Variants in BSPRY observed in about 807,000 individuals in gnomAD.
BSPRY encodes the protein B-box and SPRY domain containing.
A neutral mutation model predicts 38.0 loss-of-function variants in BSPRY; 33 were observed. The ratio of observed to expected loss-of-function variants is 0.87; its 90% confidence interval spans 0.66 to 1.16. BSPRY has a LOEUF of 1.16. Ranked by LOEUF, BSPRY falls within the 50% of genes most tolerant of loss-of-function variation. The pLI, the probability that BSPRY is intolerant of heterozygous loss-of-function variation, is 0.00. For missense variants in BSPRY, 523 were observed against 533.2 expected (o/e 0.98, Z 0.19); for synonymous variants, 224 against 228.5 (o/e 0.98, Z 0.18).
chr9:113,364,254 C>G (rs577046628), intron 4 of BSPRY, among the ~76,000 whole-genome samples: 2 of 152,280 alleles, frequency 1.3e-5, no homozygotes, highest in Non-Finnish European at 2.9e-5. Context: ...ACTTGTTAGG[C>G]TATCTGGGAC....
At chr9:113,367,656 C>G (rs1049052711) in intron 4 of BSPRY, among the ~76,000 whole-genome samples, 6 of 152,188 alleles carry the variant, frequency 3.9e-5, no homozygotes, top group African/African-American at 1.4e-4. Context: ...CTGAGGGACT[C>G]TGGCAAGTTG....
At chr9:113,352,296 G>A (rs1833985586) in intron 1 of BSPRY, among the ~76,000 whole-genome samples, 2 of 152,188 alleles carry the variant, frequency 1.3e-5, no homozygotes, top group African/African-American at 4.8e-5. Flanking sequence ...TCAGACTTAT[G>A]GTGCTTCTGT....
chr9:113,352,030 C>G (rs948320372), intron 1 of BSPRY, among the ~76,000 whole-genome samples: 1 of 152,108 alleles, frequency 6.6e-6, no homozygotes, highest in African/African-American at 2.4e-5. Context: ...AGGCTGGTCT[C>G]GAACTCCTGA....
At chr9:113,360,483 A>G (rs750899770) in intron 2 of BSPRY, 24 bp from the exon 3 acceptor site, 10 of 1,570,120 alleles carry the variant, frequency 6.4e-6, no homozygotes, top group African/African-American at 1.3e-5. Flanking sequence ...AGACCACCCA[A>G]CTCCTCATTT....
chr9:113,361,940 TGC>T (rs1420749069), intron 3 of BSPRY, among the ~76,000 whole-genome samples: 1 of 152,226 alleles, frequency 6.6e-6, no homozygotes, highest in Non-Finnish European at 1.5e-5. Context: ...TTTCTATGAC[TGC>T]TCGAAACTGT....
intron 3 of BSPRY, among the ~76,000 whole-genome samples, 195 bp from the exon 4 acceptor site, chr9:113,362,174 G>GGTGGGTGTGTGTGTGTGTGTGT: frequency 1.4e-5 from 2 of 141,344 alleles, no homozygotes; most frequent in East Asian, 4.2e-4. Context: ...ATGTGTTATG[G>GGTGGGTGTGTGTGTGTGTGTGT]GTGTGTGTGT....
chr9:113,357,950 T>G (rs1834089856), intron 2 of BSPRY, among the ~76,000 whole-genome samples: 2 of 133,960 alleles, frequency 1.5e-5, no homozygotes, highest in African/African-American at 2.8e-5. Flanking sequence ...ATATCTCTAT[T>G]AAGCTTATTC....
At position 113,369,932 on chromosome 9, in the gene BSPRY, G is replaced by A; in HGVS notation, c.999G>A (p.Glu333=). Residue 333 remains glutamate (E), a synonymous_variant, in exon 6 of 6, where the codon GAG becomes GAA. Transcript: ENST00000374183. ...FSWVFSRYDQ[E]FRFSHNGQHE... ...GGGTCTTCTCTCGCTATGATCAGGA[G>A]TTTCGTTTCTCACACAATGGGCAGC... 6.2e-7 allele frequency: 1 copy of A among 1,614,222 alleles called. No homozygotes were observed. Among genetic ancestry groups the A allele is most frequent in the South Asian group, 1.1e-5 (1 of 91,086 alleles).
intron 4 of BSPRY, 145 bp from the exon 5 acceptor site, chr9:113,368,114 G>T: frequency 1.0e-6 from 1 of 981,708 alleles, no homozygotes; most frequent in Non-Finnish European, 1.5e-6. Context: ...GGTCACAGGG[G>T]TGAGCCACTG....
At chr9:113,353,769 G>A (rs1834011106) in intron 1 of BSPRY, among the ~76,000 whole-genome samples, 1 of 152,010 alleles carries the variant, frequency 6.6e-6, no homozygotes, top group African/African-American at 2.4e-5. Flanking sequence ...GGCAAACATA[G>A]TACTAAAGAT....
At chr9:113,367,379 T>C (rs772218112) in intron 4 of BSPRY, among the ~76,000 whole-genome samples, 1 of 152,154 alleles carries the variant, frequency 6.6e-6, no homozygotes, top group Non-Finnish European at 1.5e-5. Flanking sequence ...GGGAGAGTTA[T>C]TGAGAGCACA....
intron 1 of BSPRY, 120 bp downstream of exon 1, chr9:113,349,900 A>C: frequency 8.5e-7 from 1 of 1,170,628 alleles, no homozygotes. Flanking sequence ...CCCGGAGCCT[A>C]GGCTCCTCGG....
chr9:113,360,819 G>A, intron 3 of BSPRY, 82 bp downstream of exon 3: 1 of 1,182,206 alleles, frequency 8.5e-7, no homozygotes, highest in Non-Finnish European at 1.2e-6. Flanking sequence ...TTGTCGGTAT[G>A]AGGAGGGTGG....
intron 2 of BSPRY, among the ~76,000 whole-genome samples, chr9:113,359,011 G>C (rs958278449): frequency 6.6e-5 from 10 of 150,738 alleles, no homozygotes; most frequent in Admixed American, 1.3e-4. Flanking sequence ...CTGGGCATCA[G>C]AGCAAGACTG....
intron 2 of BSPRY, among the ~76,000 whole-genome samples, chr9:113,359,757 G>A (rs757345654): frequency 1.3e-5 from 2 of 152,100 alleles, no homozygotes; most frequent in Admixed American, 6.6e-5. Context: ...TTTCCTGGGT[G>A]GGCACAGTGG....
rs1401492702 is a variant in BSPRY, at chr9:113,371,130, C to T, written c.*988C>T. The T allele has an allele frequency of 6.6e-6, 1 of 152,254 alleles. No individual in the cohort carries two copies. The highest frequency in any genetic ancestry group is 6.5e-5 in the Admixed American group (1 of 15,286). 9.4% of individuals were successfully genotyped at this position (152,254 alleles called of 1,614,324 possible). On this transcript the variant is annotated 3_prime_UTR_variant, in exon 6 of 6. Coordinates refer to ENST00000374183, the MANE Select transcript of BSPRY (RefSeq NM_017688.3). ...ATGGCCCCCTCTGACATAAACTGCA[C>T]ACCTGGGGTGATGGCTTAAAGCCAG...
At chr9:113,356,512 A>G (rs1020026384) in intron 2 of BSPRY, among the ~76,000 whole-genome samples, 10 of 151,704 alleles carry the variant, frequency 6.6e-5, no homozygotes, top group African/African-American at 1.7e-4. Flanking sequence ...TCAAAAAAAA[A>G]AGAAAGAAAC....
At chr9:113,349,885 C>A (rs774104418) in intron 1 of BSPRY, 105 bp downstream of exon 1, 1 of 1,181,370 alleles carries the variant, frequency 8.5e-7, no homozygotes, top group Non-Finnish European at 1.0e-6. Flanking sequence ...GACTCGACAC[C>A]CGGCCCCGGA....
Position 113,360,712 on chromosome 9 carries a change from C to G in BSPRY, c.506C>G (p.Thr169Ser), listed in dbSNP as rs1834139708. The G allele has an allele frequency of 5.0e-6, 8 of 1,597,084 alleles. No homozygotes were observed. The highest frequency in any genetic ancestry group is 6.8e-6 in the Non-Finnish European group (8 of 1,172,798). The change falls in exon 3 of 6, where the codon ACT becomes AGT. Residue 169 changes from threonine (T) to serine (S), a missense_variant. Transcript: ENST00000374183. ...TIRTGLVGMLTHLDDLQLIQK... is the reference protein window; with the variant it reads ...TIRTGLVGMLSHLDDLQLIQK... ...CGCACTGGCCTGGTGGGCATGCTTA[C>G]TCACCTGGATGACCTCCAGCTGATT...
Sources: allele counts gnomAD v4.1 joint callset (sites outside exome capture counted in the v4.1 genomes callset), GRCh38; gene constraint gnomAD v4.1.1; transcripts MANE v1.5; gene names NCBI Gene and HGNC (gene_info 2026-07-23, HGNC 2026-07-21).